Variants in OR52E5 observed in about 807,000 individuals in gnomAD.
OR52E5 encodes the protein olfactory receptor family 52 subfamily E member 5, also known as olfactory receptor 52E5.
chr11:5,900,542 G>A, intron 2 of OR52E5, 90 bp from the exon 3 acceptor site: 1 of 349,056 alleles, frequency 2.9e-6, no homozygotes, highest in Non-Finnish European at 5.1e-6. Flanking sequence ...GCTATATTTT[G>A]GAAACTTTCT....
At position 5,902,536 on chromosome 11, in the gene OR52E5, A is replaced by C. The variant is rs1847270278; in HGVS notation, c.*776A>C. 1 of 152,194 alleles carries C rather than the reference A, an allele frequency of 6.6e-6. No individual in the cohort carries two copies. The highest frequency in any genetic ancestry group is 2.1e-4 in the South Asian group (1 of 4,828). 9.4% of individuals were successfully genotyped at this position (152,194 alleles called of 1,614,324 possible). ...TTCGTGAAAGAGACTTTCAGTCAGG[A>C]GACTATAAAGCTTGAAGAGTTAACA... On this transcript the variant is annotated 3_prime_UTR_variant, in exon 3 of 3. Coordinates refer to ENST00000610445, the MANE Select transcript of OR52E5 (RefSeq NM_001005166.5).
chr11:5,893,882 A>G (rs758147168), intron 1 of OR52E5, among the ~76,000 whole-genome samples: 3 of 152,130 alleles, frequency 2.0e-5, no homozygotes, highest in Non-Finnish European at 4.4e-5. Context: ...CCAGAGCTTC[A>G]TATCGTATCA....
intron 2 of OR52E5, among the ~76,000 whole-genome samples, chr11:5,897,874 C>T (rs569281008): frequency 6.6e-6 from 1 of 151,728 alleles, no homozygotes; most frequent in African/African-American, 2.4e-5. Context: ...TCTGCTTGTT[C>T]ATTTTTGAGC....
Position 5,900,833 on chromosome 11 carries a change from C to A in OR52E5, c.57C>A (p.Val19=). The change falls in exon 3 of 3, where the codon GTC becomes GTA. Residue 19 remains valine, a synonymous_variant. Coordinates refer to ENST00000610445, the MANE Select transcript of OR52E5 (RefSeq NM_001005166.5). ...CTTCCACCTTCCTCGTAGTGGGGGTCCCAGGGCTGGAAGATGTGCATGTAT... is the reference window on the plus strand; with the variant it reads ...CTTCCACCTTCCTCGTAGTGGGGGTACCAGGGCTGGAAGATGTGCATGTAT... ...FHPSTFLVVG[V]PGLEDVHVWI... is the part of the protein sequence containing the mutation. The A allele has an allele frequency of 5.0e-6, 2 of 401,354 alleles. No homozygotes were observed. Among genetic ancestry groups the A allele is most frequent in the Non-Finnish European group, 8.8e-6 (2 of 226,292 alleles). 24.9% of individuals were successfully genotyped at this position (401,354 alleles called of 1,614,324 possible). A position where few individuals can be genotyped will look rare whatever the true frequency, so the allele number is the denominator to read the frequency against.
rs112884036 is a variant in OR52E5, at chr11:5,894,605, T to C, written c.-227-1027T>C. ...ATAGAGAAGAAAGCATGCAGAAAGT[T>C]TGAAGTGCAGTTTGACTGCAGTGTG... is the stretch of plus-strand genomic sequence containing the variant. On this transcript the variant is annotated intron_variant, in intron 1 of 2. Transcript: ENST00000610445. Among the ~76,000 whole-genome samples the C allele has an allele frequency of 5.7e-3, 870 of 152,194 alleles. 2 individuals carry two copies. Among genetic ancestry groups the C allele is most frequent in the Non-Finnish European group, 9.1e-3 (622 of 67,988 alleles).
chr11:5,895,992 T>C lies in OR52E5; in HGVS notation c.-146+279T>C, dbSNP rs189402387. On this transcript the variant is annotated intron_variant, in intron 2 of 2. Transcript: ENST00000610445. ...TCTACCCAAGTGGTGGAGGTTGCAG[T>C]GAGCTGAGATTGTGCCAGTGTACTC... is the stretch of plus-strand genomic sequence containing the variant. 3.3e-5 allele frequency among the ~76,000 whole-genome samples: 5 copies of C among 151,466 alleles called. No individual in the cohort carries two copies. In the East Asian group the frequency reaches 9.7e-4, roughly 29 times the overall value.
Position 5,900,324 on chromosome 11 carries a change from T to C in OR52E5, c.-145-308T>C, listed in dbSNP as rs564528946. Among the ~76,000 whole-genome samples, 305 of 152,238 alleles carry C rather than the reference T, an allele frequency of 2.0e-3. 1 individual carries two copies. The highest frequency in any genetic ancestry group is 7.0e-3 in the African/African-American group (292 of 41,544). ...ATTTCTCAGATCTAATTTGCAAGAATGTATCATTCCTCTTATCATTTTCCT... is the reference window on the plus strand; with the variant it reads ...ATTTCTCAGATCTAATTTGCAAGAACGTATCATTCCTCTTATCATTTTCCT... On this transcript the variant is annotated intron_variant, in intron 2 of 2. Coordinates refer to ENST00000610445, the MANE Select transcript of OR52E5 (RefSeq NM_001005166.5).
At chr11:5,899,705 A>G (rs1244579708) in intron 2 of OR52E5, among the ~76,000 whole-genome samples, 1 of 152,158 alleles carries the variant, frequency 6.6e-6, no homozygotes, top group East Asian at 1.9e-4. Flanking sequence ...CAAAGTTTCT[A>G]ATCAAGTCCT....
chr11:5,896,729 G>T (rs1018986226), intron 2 of OR52E5, among the ~76,000 whole-genome samples: 2 of 152,088 alleles, frequency 1.3e-5, no homozygotes, highest in Admixed American at 6.6e-5. Flanking sequence ...TGCATGATGT[G>T]GTGATCATGT....
At chr11:5,897,842 T>A (rs955923896) in intron 2 of OR52E5, among the ~76,000 whole-genome samples, 1 of 152,028 alleles carries the variant, frequency 6.6e-6, no homozygotes, top group African/African-American at 2.4e-5. Flanking sequence ...TCTCACTGTG[T>A]TTTTGTTTTT....
chr11:5,894,057 T>C (rs771039006), intron 1 of OR52E5, among the ~76,000 whole-genome samples: 1 of 152,212 alleles, frequency 6.6e-6, no homozygotes, highest in Admixed American at 6.6e-5. Flanking sequence ...TCTAAAATAC[T>C]ATATATAACA....
rs1294407057 is a variant in OR52E5 at position 5,898,240 on chromosome 11, C to CT, written c.-145-2385dup. 8.5e-5 allele frequency among the ~76,000 whole-genome samples: 13 copies of CT among 152,076 alleles called. No individual in the cohort carries two copies. In the South Asian group the frequency reaches 1.5e-3, roughly 17 times the overall value. ...ATATGCTTGTTAGCTGTTTGTGTGT[C>CT]TTTTTTTGAGAAATGTCTATTCAAC... On this transcript the variant is annotated intron_variant, in intron 2 of 2. Transcript: ENST00000610445.
At chr11:5,898,416 G>A (rs542144975) in intron 2 of OR52E5, among the ~76,000 whole-genome samples, 1 of 152,092 alleles carries the variant, frequency 6.6e-6, no homozygotes, top group South Asian at 2.1e-4. Flanking sequence ...TGTTTATTTT[G>A]GCTGCACAGA....
At position 5,901,214 on chromosome 11, in the gene OR52E5, G is replaced by A. The variant is rs1369903099; in HGVS notation, c.438G>A (p.Leu146=). The stretch of plus-strand genomic sequence containing the variant: ...TTACCAACAAGGTAATAGCCATTCT[G>A]GGCATAGTCATCATTGTCAGGACTT... ...MILTNKVIAI[L]GIVIIVRTLV... Residue 146 remains leucine (L), a synonymous_variant, in exon 3 of 3, where the codon CTG becomes CTA. Coordinates refer to ENST00000610445, the MANE Select transcript of OR52E5 (RefSeq NM_001005166.5). 1 of 401,442 alleles carries A rather than the reference G, an allele frequency of 2.5e-6. No homozygotes were observed. Among genetic ancestry groups the A allele is most frequent in the Non-Finnish European group, 4.4e-6 (1 of 226,340 alleles). The allele number at this position is 401,442 out of a possible 1,614,324, so 24.9% of individuals were successfully genotyped here.
At chr11:5,899,463 C>G (rs1847219656) in intron 2 of OR52E5, among the ~76,000 whole-genome samples, 1 of 152,094 alleles carries the variant, frequency 6.6e-6, no homozygotes, top group Non-Finnish European at 1.5e-5. Context: ...ATACACATAC[C>G]ACTATACTTC....
At chr11:5,899,391 A>T (rs535019277) in intron 2 of OR52E5, among the ~76,000 whole-genome samples, 1 of 152,318 alleles carries the variant, frequency 6.6e-6, no homozygotes, top group Admixed American at 6.5e-5. Flanking sequence ...GAATCGTGAC[A>T]TATCTTGGGA....
rs1372695678 is a variant in OR52E5 at position 5,902,709 on chromosome 11, T to C, written c.*949T>C. ...GGTATAGAAGATAAATAGGACAATT[T>C]ATTTCTTTGGGTATTCTAGGAGCTG... On this transcript the variant is annotated 3_prime_UTR_variant, in exon 3 of 3. Coordinates refer to ENST00000610445, the MANE Select transcript of OR52E5 (RefSeq NM_001005166.5). 1 of 152,208 alleles carries C rather than the reference T, an allele frequency of 6.6e-6. No homozygotes were observed. Among genetic ancestry groups the C allele is most frequent in the African/African-American group, 2.4e-5 (1 of 41,454 alleles). 9.4% of individuals were successfully genotyped at this position (152,208 alleles called of 1,614,324 possible). A position where few individuals can be genotyped will look rare whatever the true frequency, so the allele number is the denominator to read the frequency against.
At chr11:5,894,318 G>A (rs914387198) in intron 1 of OR52E5, among the ~76,000 whole-genome samples, 2 of 152,116 alleles carry the variant, frequency 1.3e-5, no homozygotes, top group African/African-American at 4.8e-5. Flanking sequence ...TAGTGTCCAA[G>A]AAATGTCATT....
Sources: gnomAD v4.1 joint callset for allele counts (sites outside exome capture counted in the v4.1 genomes callset) on GRCh38, gnomAD v4.1.1 for gene constraint, MANE v1.5 for transcripts, NCBI Gene and HGNC (gene_info 2026-07-23, HGNC 2026-07-21) for gene names.